Variants in SPAG9 observed in about 807,000 individuals in gnomAD.
SPAG9 encodes sperm associated antigen 9, also known as C-Jun-amino-terminal kinase-interacting protein 4.
In SPAG9, 35 loss-of-function variants were observed where a neutral mutation model predicts 166.5. That is an observed-to-expected ratio of 0.21 (90% confidence interval 0.16 to 0.28). SPAG9 has a LOEUF of 0.28. Ranked by LOEUF, SPAG9 falls within the 10% of genes least tolerant of loss-of-function variation. The probability of loss-of-function intolerance (pLI) is 1.00; values close to 1 mark genes in which losing one functional copy is unlikely to be tolerated. For missense variants in SPAG9, 1,235 were observed against 1,603.3 expected (o/e 0.77, Z 3.92); for synonymous variants, 534 against 565.5 (o/e 0.94, Z 0.79).
In SPAG9 at chr17:50,982,632, A is replaced by G; in HGVS notation, c.3129T>C (p.Leu1043=). 2 of 1,614,020 alleles carry G rather than the reference A, an allele frequency of 1.2e-6. No homozygotes were observed. The highest frequency in any genetic ancestry group is 2.2e-5 in the South Asian group (2 of 91,040). Residue 1043 remains leucine (L), a synonymous_variant, in exon 25 of 30, where the codon CTT becomes CTC. Coordinates refer to ENST00000262013, the MANE Select transcript of SPAG9 (RefSeq NM_001130528.3). ...WDLSNYHLLD[L]GRPHHSIRCM... Reference sequence around the variant, plus strand: ...AACGGATGGAATGATGAGGCCGTCCAAGGTCTAAGAGGTGATAGTTTGACA... The same window carrying G: ...AACGGATGGAATGATGAGGCCGTCCGAGGTCTAAGAGGTGATAGTTTGACA...
At chr17:51,006,408 T>C (rs1041527063) in intron 10 of SPAG9, among the ~76,000 whole-genome samples, 171 bp from the exon 11 acceptor site, 3 of 152,118 alleles carry the variant, frequency 2.0e-5, no homozygotes, top group African/African-American at 4.8e-5. Context: ...AAAGCAACAG[T>C]CTAAGATTTT....
intron 2 of SPAG9, among the ~76,000 whole-genome samples, chr17:51,061,594 G>A (rs925404822): frequency 2.1e-4 from 23 of 110,710 alleles, no homozygotes; most frequent in Non-Finnish European, 3.5e-4. Context: ...TGGGCAACAA[G>A]AGCGAAAGCT....
At chr17:51,066,683 C>T (rs1456950895) in intron 2 of SPAG9, among the ~76,000 whole-genome samples, 1 of 151,342 alleles carries the variant, frequency 6.6e-6, no homozygotes, top group Non-Finnish European at 1.5e-5. Flanking sequence ...GGTGAAACCC[C>T]GAGATCAAGA....
intron 1 of SPAG9, among the ~76,000 whole-genome samples, chr17:51,089,618 T>TATA (rs1491121092): frequency 7.0e-5 from 5 of 71,280 alleles, no homozygotes; most frequent in Admixed American, 1.7e-4. Flanking sequence ...ATACACTTTA[T>TATA]TTTATATATA....
At chr17:51,059,214 G>T (rs2047438270) in intron 2 of SPAG9, among the ~76,000 whole-genome samples, 1 of 152,094 alleles carries the variant, frequency 6.6e-6, no homozygotes, top group African/African-American at 2.4e-5. Flanking sequence ...TTACCTCTGG[G>T]GAGGAGTCAG....
intron 1 of SPAG9, among the ~76,000 whole-genome samples, chr17:51,110,259 C>G (rs2049068449): frequency 2.6e-5 from 4 of 152,024 alleles, no homozygotes; most frequent in Admixed American, 1.3e-4. Context: ...AAAACAACAA[C>G]TACTGAATCT....
intron 1 of SPAG9, among the ~76,000 whole-genome samples, chr17:51,105,235 T>C (rs747523365): frequency 7.9e-5 from 12 of 152,172 alleles, no homozygotes; most frequent in Non-Finnish European, 1.8e-4. Context: ...GAGCACAACA[T>C]TCATCTGAGT....
intron 6 of SPAG9, among the ~76,000 whole-genome samples, chr17:51,027,410 G>A (rs1172899987): frequency 6.6e-6 from 1 of 151,384 alleles, no homozygotes; most frequent in Non-Finnish European, 1.5e-5. Context: ...GCTCCAGCCT[G>A]GACAACAGAG....
intron 1 of SPAG9, among the ~76,000 whole-genome samples, chr17:51,091,922 G>C (rs2048477173): frequency 6.7e-6 from 1 of 148,646 alleles, no homozygotes. Flanking sequence ...TATAGGGACT[G>C]TTTCGCCCCA....
At chr17:51,054,134 T>G (rs924651075) in intron 3 of SPAG9, among the ~76,000 whole-genome samples, 1 of 139,950 alleles carries the variant, frequency 7.1e-6, no homozygotes, top group African/African-American at 2.6e-5. Flanking sequence ...TTTTTTTTTT[T>G]TTTTTGGAGA....
At chr17:51,095,099 T>C (rs1238527511) in intron 1 of SPAG9, among the ~76,000 whole-genome samples, 1 of 149,682 alleles carries the variant, frequency 6.7e-6, no homozygotes, top group Non-Finnish European at 1.5e-5. Context: ...ATCGAGACCA[T>C]CCTGGCTAAC....
intron 19 of SPAG9, among the ~76,000 whole-genome samples, chr17:50,991,862 G>A (rs1029731674): frequency 2.7e-5 from 4 of 148,474 alleles, no homozygotes; most frequent in Non-Finnish European, 5.9e-5. Context: ...GACCTCAGGT[G>A]ATCCGCCCAC....
At chr17:51,101,305 T>C (rs1048519292) in intron 1 of SPAG9, among the ~76,000 whole-genome samples, 10 of 131,400 alleles carry the variant, frequency 7.6e-5, no homozygotes, top group Admixed American at 2.6e-4. Context: ...GAGATCGCAC[T>C]ACTGCACTCC....
At chr17:51,066,554 C>CAA (rs1297678240) in intron 2 of SPAG9, among the ~76,000 whole-genome samples, 1 of 21,324 alleles carries the variant, frequency 4.7e-5, no homozygotes, top group Non-Finnish European at 9.9e-5. Context: ...GACTCTGTCT[C>CAA]AAAAAAAAAA....
intron 6 of SPAG9, among the ~76,000 whole-genome samples, chr17:51,026,036 T>C (rs1056354481): frequency 6.6e-6 from 1 of 152,212 alleles, no homozygotes; most frequent in African/African-American, 2.4e-5. Flanking sequence ...GAAAGTGATA[T>C]GCCTTTGAAA....
At chr17:51,062,200 C>G (rs1342010825) in intron 2 of SPAG9, among the ~76,000 whole-genome samples, 1 of 152,126 alleles carries the variant, frequency 6.6e-6, no homozygotes, top group Non-Finnish European at 1.5e-5. Context: ...GCCCCCTACA[C>G]ACGCAACCTC....
In SPAG9 at chr17:50,964,023, T is replaced by C. The variant is rs1380011072; in HGVS notation, c.*2249A>G. 1 of 152,222 alleles carries C rather than the reference T, an allele frequency of 6.6e-6. No homozygotes were observed. Among genetic ancestry groups the C allele is most frequent in the Admixed American group, 6.5e-5 (1 of 15,284 alleles). 9.4% of individuals were successfully genotyped at this position (152,222 alleles called of 1,614,324 possible). On this transcript the variant is annotated 3_prime_UTR_variant, in exon 30 of 30. Coordinates refer to ENST00000262013, the MANE Select transcript of SPAG9 (RefSeq NM_001130528.3). ...TACACAATGTGCTTATAGTCACATGTGGCCCAATGGATCCAAATGCCTCCT... is the reference window on the plus strand; with the variant it reads ...TACACAATGTGCTTATAGTCACATGCGGCCCAATGGATCCAAATGCCTCCT...
chr17:51,070,162 A>T (rs973710122), intron 2 of SPAG9, among the ~76,000 whole-genome samples: 14 of 152,216 alleles, frequency 9.2e-5, no homozygotes, highest in African/African-American at 3.1e-4. Context: ...TATCACTGTC[A>T]TCTAAATCTT....
intron 1 of SPAG9, among the ~76,000 whole-genome samples, chr17:51,105,269 C>T (rs1009271863): frequency 1.3e-5 from 2 of 152,020 alleles, no homozygotes; most frequent in Non-Finnish European, 2.9e-5. Flanking sequence ...AGAATGGTCA[C>T]GTAGGTAAGA....
Sources: allele counts gnomAD v4.1 joint callset (sites outside exome capture counted in the v4.1 genomes callset), GRCh38; gene constraint gnomAD v4.1.1; transcripts MANE v1.5; gene names NCBI Gene and HGNC (gene_info 2026-07-23, HGNC 2026-07-21).